The following SMYD3 variants were observed in gnomAD, a reference collection of about 807,000 sequenced individuals.
SMYD3 encodes the protein SET and MYND domain containing 3.
A neutral mutation model predicts 57.7 loss-of-function variants in SMYD3; 36 were observed. The observed-to-expected ratio is 0.62, with a 90% confidence interval of 0.48 to 0.82. SMYD3 has a LOEUF of 0.82. Ranked by LOEUF, SMYD3 falls within the 40% of genes least tolerant of loss-of-function variation. The pLI is 0.00. For missense variants in SMYD3, 515 were observed against 538.8 expected, an observed-to-expected ratio of 0.96 and a Z score of 0.44; for synonymous variants, 211 against 195.0, an observed-to-expected ratio of 1.08 and a Z score of -0.68.
Position 245,753,566 on chromosome 1 carries a change from TCAA to T in SMYD3, c.1186-3905_1186-3903del, listed in dbSNP as rs1157078121. On this transcript the variant is annotated intron_variant, in intron 11 of 11. Transcript: ENST00000490107. The stretch of plus-strand genomic sequence containing the variant: ...ATGGGTGAGCTGGGGCAGACAGTCC[TCAA>T]CAATGTACGGAGAGGGCCCTGTGTG... Among the ~76,000 whole-genome samples, 159 of 131,694 alleles carry T rather than the reference TCAA, an allele frequency of 1.2e-3. 2 individuals are homozygous for T. The highest frequency in any genetic ancestry group is 4.2e-4 in the Non-Finnish European group (24 of 57,094). 86.4% of individuals were successfully genotyped at this position (131,694 alleles called of 152,430 possible).
At position 246,445,866 on chromosome 1, in the gene SMYD3, CA is replaced by C. The variant is rs1215880316; in HGVS notation, c.164+61187del. ...GGACATCCAAAAAGGAAAAAAAAAA[CA>C]AAAAAAAAACCTGGGAATAAGAGAA... On this transcript the variant is annotated intron_variant, in intron 1 of 11. Coordinates refer to ENST00000490107, the MANE Select transcript of SMYD3 (RefSeq NM_001167740.2). Among the ~76,000 whole-genome samples the C allele has an allele frequency of 5.9e-5, 8 of 135,152 alleles. No homozygotes were observed. The South Asian group carries it at 6.8e-4, about 11-fold the overall frequency. 88.7% of individuals were successfully genotyped at this position (135,152 alleles called of 152,430 possible).
In SMYD3 at chr1:245,749,406, G is replaced by C. The variant is rs1197276796; in HGVS notation, c.*157C>G. 1 of 561,294 alleles carries C rather than the reference G, an allele frequency of 1.8e-6. No homozygotes were observed. Among genetic ancestry groups the C allele is most frequent in the Non-Finnish European group, 3.1e-6 (1 of 318,760 alleles). 34.8% of individuals were successfully genotyped at this position (561,294 alleles called of 1,614,324 possible). ...TGCTTCTCTACAACTAATGATTCTT[G>C]TGGTTTGCAAACCATGTCTGCCTTT... is the stretch of plus-strand genomic sequence containing the variant. On this transcript the variant is annotated 3_prime_UTR_variant, in exon 12 of 12. Transcript: ENST00000490107.
In SMYD3 at chr1:245,993,091, T is replaced by C. The variant is rs1016272772; in HGVS notation, c.532-63154A>G. Among the ~76,000 whole-genome samples, 6 of 152,238 alleles carry C rather than the reference T, an allele frequency of 3.9e-5. 1 individual carries two copies. The highest frequency in any genetic ancestry group is 7.3e-5 in the Non-Finnish European group (5 of 68,040). On this transcript the variant is annotated intron_variant, in intron 5 of 11. Coordinates refer to ENST00000490107, the MANE Select transcript of SMYD3 (RefSeq NM_001167740.2). ...AAACTTTGGGAGGTAGAAGGGCTGC[T>C]GCTTCTGCACTCAACGTTTACTGGG...
intron 5 of SMYD3, among the ~76,000 whole-genome samples, chr1:246,049,783 C>G (rs948224584): frequency 2.0e-5 from 3 of 152,046 alleles, no homozygotes; most frequent in African/African-American, 7.2e-5. Flanking sequence ...ATACTTAAGT[C>G]AGCTTATGAG....
intron 5 of SMYD3, among the ~76,000 whole-genome samples, chr1:246,283,883 G>A (rs913519992): frequency 7.2e-5 from 11 of 152,150 alleles, no homozygotes; most frequent in African/African-American, 2.7e-4. Flanking sequence ...ACAACCTTCA[G>A]GTACACCATT....
At chr1:245,817,243 AC>A (rs1318062853) in intron 10 of SMYD3, among the ~76,000 whole-genome samples, 1 of 143,962 alleles carries the variant, frequency 6.9e-6, no homozygotes, top group African/African-American at 2.6e-5. Context: ...CTGACCCCTG[AC>A]CCCCGAGCAG....
At chr1:245,855,839 A>T (rs1371205616) in intron 10 of SMYD3, among the ~76,000 whole-genome samples, 1 of 152,242 alleles carries the variant, frequency 6.6e-6, no homozygotes, top group Non-Finnish European at 1.5e-5. Context: ...CAAGGTCAGG[A>T]GTGACAAAAT....
chr1:246,096,487 AC>A (rs1333583827), intron 5 of SMYD3: 3 of 152,220 alleles, frequency 2.0e-5, no homozygotes, highest in Non-Finnish European at 2.9e-5. Context: ...GAAAATTATG[AC>A]GATGGGAAGA....
At chr1:246,136,163 G>A (rs2061662943) in intron 5 of SMYD3, among the ~76,000 whole-genome samples, 1 of 152,116 alleles carries the variant, frequency 6.6e-6, no homozygotes, top group Admixed American at 6.5e-5. Flanking sequence ...GGAGTTAATG[G>A]CACATATAAC....
intron 10 of SMYD3, among the ~76,000 whole-genome samples, chr1:245,835,138 T>TTG (rs2050043028): frequency 6.6e-6 from 1 of 150,522 alleles, no homozygotes; most frequent in Non-Finnish European, 1.5e-5. Context: ...TTTTTTTTTT[T>TTG]GAGAGGGAGT....
chr1:246,180,049 A>C (rs1317085175), intron 5 of SMYD3, among the ~76,000 whole-genome samples: 4 of 151,678 alleles, frequency 2.6e-5, no homozygotes, highest in Admixed American at 6.6e-5. Context: ...GGCTCATGCC[A>C]ATAACCCCAG....
At chr1:246,011,767 C>T (rs752790274) in intron 5 of SMYD3, among the ~76,000 whole-genome samples, 10 of 152,200 alleles carry the variant, frequency 6.6e-5, no homozygotes, top group Non-Finnish European at 1.2e-4. Flanking sequence ...TCACTGAAAT[C>T]TGCATGATCA....
At chr1:246,301,686 T>C (rs893998302) in intron 5 of SMYD3, among the ~76,000 whole-genome samples, 1 of 152,186 alleles carries the variant, frequency 6.6e-6, no homozygotes, top group South Asian at 2.1e-4. Flanking sequence ...GGGGAGCAAA[T>C]TATGCATATT....
intron 5 of SMYD3, among the ~76,000 whole-genome samples, chr1:246,286,956 C>A (rs1229055536): frequency 6.6e-6 from 1 of 151,658 alleles, no homozygotes; most frequent in Non-Finnish European, 1.5e-5. Context: ...TTGCAACCTC[C>A]GCCCCCTAGG....
intron 10 of SMYD3, among the ~76,000 whole-genome samples, chr1:245,785,040 G>C (rs1334725561): frequency 6.6e-6 from 1 of 151,408 alleles, no homozygotes; most frequent in East Asian, 2.0e-4. Context: ...TAGTAAAGAT[G>C]GGGTTTCACT....
At chr1:245,807,677 A>T (rs2048254004) in intron 10 of SMYD3, among the ~76,000 whole-genome samples, 1 of 152,176 alleles carries the variant, frequency 6.6e-6, no homozygotes, top group Admixed American at 6.5e-5. Context: ...ACCATTAATA[A>T]CAAAACAACA....
intron 10 of SMYD3, among the ~76,000 whole-genome samples, chr1:245,782,053 G>T (rs1295662392): frequency 2.0e-5 from 3 of 152,164 alleles, no homozygotes; most frequent in African/African-American, 7.2e-5. Flanking sequence ...TCTTTGCTCA[G>T]GCACCCTCTC....
intron 10 of SMYD3, among the ~76,000 whole-genome samples, chr1:245,842,293 C>T (rs1388213477): frequency 1.3e-5 from 2 of 152,198 alleles, no homozygotes; most frequent in Non-Finnish European, 2.9e-5. Flanking sequence ...GGTAAATGTG[C>T]ATATCTGAAA....
intron 10 of SMYD3, among the ~76,000 whole-genome samples, chr1:245,830,106 T>C (rs6672901): frequency 0.53 from 81,171 of 152,088 alleles, 25,646 homozygotes; most frequent in Non-Finnish European, 0.72. Flanking sequence ...AGTAATTATA[T>C]GTTATATGAA....
Sources: gnomAD v4.1 joint callset for allele counts (sites outside exome capture counted in the v4.1 genomes callset) on GRCh38, gnomAD v4.1.1 for gene constraint, MANE v1.5 for transcripts, NCBI Gene and HGNC (gene_info 2026-07-23, HGNC 2026-07-21) for gene names.